SMIM23: variants seen among roughly 807,000 people sequenced by gnomAD.
The protein encoded by SMIM23 is CTB-78H18.1.
In SMIM23, 10 loss-of-function variants were observed where a neutral mutation model predicts 12.8. The observed-to-expected ratio is 0.78, with a 90% CI of 0.48 to 1.32. The LOEUF (loss-of-function observed/expected upper bound fraction) is 1.32, where lower values mean the gene tolerates loss of function less well. Among genes scored for constraint, SMIM23 ranks in the 40% most tolerant of loss-of-function variants. SMIM23 has a pLI of 0.00. For synonymous variants in SMIM23, 78 were observed against 80.1 expected (o/e 0.97, Z 0.14); for missense variants, 184 against 198.2 (o/e 0.93, Z 0.43).
intron 1 of SMIM23, among the ~76,000 whole-genome samples, chr5:171,786,408 G>A (rs1439719149): frequency 6.6e-6 from 1 of 152,118 alleles, no homozygotes; most frequent in Non-Finnish European, 1.5e-5. Context: ...ACACAGCCTG[G>A]TGCATCCACA....
At chr5:171,773,712 A>G in the SMIM23 span, 38 of 450,912 alleles carry the variant, frequency 8.4e-5, no homozygotes, top group Admixed American at 7.7e-4. Flanking sequence ...GCCAGGCCCC[A>G]TCTAAAGGAA....
At chr5:171,787,640 T>C (rs1204927750) in intron 1 of SMIM23, among the ~76,000 whole-genome samples, 1 of 152,238 alleles carries the variant, frequency 6.6e-6, no homozygotes, top group African/African-American at 2.4e-5. Context: ...CTAAAGAATA[T>C]TGTTAAGAAA....
At chr5:171,786,733 G>C (rs1309406971) in intron 1 of SMIM23, among the ~76,000 whole-genome samples, 2 of 152,114 alleles carry the variant, frequency 1.3e-5, no homozygotes, top group Non-Finnish European at 2.9e-5. Context: ...ACCTTGTAGC[G>C]TATAACAGGG....
upstream of SMIM23, among the ~76,000 whole-genome samples, chr5:171,778,463 A>T (rs927073137): frequency 6.8e-5 from 10 of 147,380 alleles, no homozygotes; most frequent in African/African-American, 2.5e-4. Flanking sequence ...ACACACACAC[A>T]CACACACACA....
At chr5:171,788,377 T>C (rs1755857024) in intron 1 of SMIM23, among the ~76,000 whole-genome samples, 1 of 152,112 alleles carries the variant, frequency 6.6e-6, no homozygotes, top group Non-Finnish European at 1.5e-5. Context: ...AAAATTAAAT[T>C]AAGAATTGGA....
At chr5:171,788,713 A>G (rs774988244) in intron 1 of SMIM23, among the ~76,000 whole-genome samples, 1 of 152,244 alleles carries the variant, frequency 6.6e-6, no homozygotes, top group East Asian at 1.9e-4. Context: ...AATTTTATCA[A>G]TCCTTTGAGA....
intron 3 of SMIM23, 42 bp from the exon 4 acceptor site, chr5:171,790,753 T>A: frequency 6.5e-7 from 1 of 1,534,076 alleles, no homozygotes; most frequent in Non-Finnish European, 8.7e-7. Context: ...GAGGGTCCTA[T>A]CTGAGAAAGC....
chr5:171,783,580 G>T (rs1411375641), upstream of SMIM23, among the ~76,000 whole-genome samples: 2 of 152,190 alleles, frequency 1.3e-5, no homozygotes, highest in East Asian at 3.8e-4. Context: ...GGGCTGAAAT[G>T]TGAAGCGTAA....
upstream of SMIM23, among the ~76,000 whole-genome samples, chr5:171,783,519 A>G (rs888467992): frequency 6.6e-6 from 1 of 152,256 alleles, no homozygotes; most frequent in Non-Finnish European, 1.5e-5. Flanking sequence ...AAGCAAAAAA[A>G]TTAACCTTAA....
chr5:171,780,599 A>G (rs1274258449), upstream of SMIM23, among the ~76,000 whole-genome samples: 1 of 152,138 alleles, frequency 6.6e-6, no homozygotes, highest in Non-Finnish European at 1.5e-5. Context: ...ATAATTCATT[A>G]CTTTTGATGT....
At position 171,788,834 on chromosome 5, in the gene SMIM23, C is replaced by T. The variant is rs116478659; in HGVS notation, c.106-1396C>T. Among the ~76,000 whole-genome samples the T allele has an allele frequency of 9.8e-3, 1,491 of 152,158 alleles. 25 individuals are homozygous for T. Among genetic ancestry groups the T allele is most frequent in the African/African-American group, 0.034 (1,404 of 41,484 alleles). On this transcript the variant is annotated intron_variant, in intron 1 of 3. Transcript: ENST00000523047. ...AATCTTGATACCAAAACTTGACAAA[C>T]GTGTAGAAAAAAAAATTTTTTTTGA...
At chr5:171,784,932 C>T (rs1755788080), upstream of SMIM23, among the ~76,000 whole-genome samples, 1 of 151,904 alleles carries the variant, frequency 6.6e-6, no homozygotes, top group African/African-American at 2.4e-5. Flanking sequence ...AAGCCAATCC[C>T]CAAAGGTTAA....
chr5:171,781,981 AG>A (rs1392237864), upstream of SMIM23, among the ~76,000 whole-genome samples: 2 of 152,260 alleles, frequency 1.3e-5, no homozygotes, highest in Non-Finnish European at 2.9e-5. Flanking sequence ...ACCAATCAGC[AG>A]GATGTGGGCG....
chr5:171,779,328 C>T (rs1180595053), upstream of SMIM23, among the ~76,000 whole-genome samples: 1 of 152,192 alleles, frequency 6.6e-6, no homozygotes, highest in African/African-American at 2.4e-5. Flanking sequence ...CCCACCATGC[C>T]CTTTCGTTTC....
chr5:171,778,663 G>C (rs566652977), upstream of SMIM23, among the ~76,000 whole-genome samples: 121 of 152,268 alleles, frequency 7.9e-4, 1 homozygote, highest in African/African-American at 2.8e-3. Flanking sequence ...TCAGCCCAGT[G>C]CTACTGACTT....
chr5:171,790,816 G>A lies in SMIM23; in HGVS notation c.247G>A (p.Glu83Lys), dbSNP rs553307772. The A allele has an allele frequency of 1.1e-5, 17 of 1,536,100 alleles. No homozygotes were observed. The highest frequency in any genetic ancestry group is 2.7e-5 in the African/African-American group (2 of 73,146). Residue 83 changes from glutamate (E) to lysine (K), a missense_variant, in exon 4 of 4, where the codon GAG (glutamate) becomes AAG (lysine). Coordinates refer to ENST00000523047, the MANE Select transcript of SMIM23 (RefSeq NM_001289970.2). ...VPQGLEYQTNEPSEEPIKTIR... is the reference protein window; with the variant it reads ...VPQGLEYQTNKPSEEPIKTIR... ...CCAGGGGCTTGAATATCAGACCAAC[G>A]AGCCCTCAGAAGAACCGATAAAGAC...
chr5:171,787,773 A>C lies in SMIM23; in HGVS notation c.105+1797A>C, dbSNP rs949034493. Among the ~76,000 whole-genome samples, 15 of 152,356 alleles carry C rather than the reference A, an allele frequency of 9.8e-5. No homozygotes were observed. The South Asian group carries it at 2.9e-3, about 29-fold the overall frequency. ...TCTTTTGGGGCTCCGCCCACCTGGC[A>C]TCCCACCCTTCATAGCAGTGATTCT... is the stretch of plus-strand genomic sequence containing the variant. On this transcript the variant is annotated intron_variant, in intron 1 of 3. Coordinates refer to ENST00000523047, the MANE Select transcript of SMIM23 (RefSeq NM_001289970.2).
At chr5:171,785,724 G>C, upstream of SMIM23, 1 of 590,856 alleles carries the variant, frequency 1.7e-6, no homozygotes, top group South Asian at 2.2e-5. Context: ...AAATCAGGGT[G>C]GTGGAAAGGT....
chr5:171,775,146 C>T, the SMIM23 span, among the ~76,000 whole-genome samples: 1 of 152,218 alleles, frequency 6.6e-6, no homozygotes, highest in Non-Finnish European at 1.5e-5. Flanking sequence ...GACACTGAGC[C>T]CTCACTAGAT....
Sources: gnomAD v4.1 joint callset for allele counts (sites outside exome capture counted in the v4.1 genomes callset) on GRCh38, gnomAD v4.1.1 for gene constraint, MANE v1.5 for transcripts, NCBI Gene and HGNC (gene_info 2026-07-23, HGNC 2026-07-21) for gene names.